IL1RAPL1: variants seen among roughly 807,000 people sequenced by gnomAD.
IL1RAPL1 encodes the protein interleukin 1 receptor accessory protein like 1.
In IL1RAPL1, 3 loss-of-function variants were observed where a neutral mutation model predicts 48.4. The observed-to-expected ratio is 0.06, with a 90% CI of 0.03 to 0.16. The LOEUF is 0.16. Ranked by LOEUF, IL1RAPL1 falls within the 10% of genes least tolerant of loss-of-function variation. The probability of loss-of-function intolerance (pLI) is 1.00; values close to 1 mark genes in which losing one functional copy is unlikely to be tolerated. For synonymous variants in IL1RAPL1, 185 were observed against 187.7 expected (o/e 0.99, Z 0.12); for missense variants, 349 against 530.6 (o/e 0.66, Z 3.36).
rs372181418 is a variant in IL1RAPL1 at position 29,623,277 on chromosome X, G to A, written c.704-45153G>A. Reference sequence around the variant, plus strand: ...AGCCTGGGCGACAGACTGAGACTCCGTCTCAAAAAAAAAAAAAGAAAGAAA... The same window carrying A: ...AGCCTGGGCGACAGACTGAGACTCCATCTCAAAAAAAAAAAAAGAAAGAAA... On this transcript the variant is annotated intron_variant, in intron 5 of 10. Transcript: ENST00000378993. Among the ~76,000 whole-genome samples the A allele has an allele frequency of 2.3e-3, 234 of 101,599 alleles. 1 individual carries two copies. The highest frequency in any genetic ancestry group is 7.9e-3 in the African/African-American group (217 of 27,438). 88.2% of individuals were successfully genotyped at this position (101,599 alleles called of 115,157 possible). A position where few individuals can be genotyped will look rare whatever the true frequency, so the allele number is the denominator to read the frequency against.
At chrX:29,756,030 G>A (rs1928603986) in intron 6 of IL1RAPL1, among the ~76,000 whole-genome samples, 1 of 111,559 alleles carries the variant, frequency 9.0e-6, no homozygotes, top group South Asian at 3.8e-4. Flanking sequence ...TCTGTGAAAT[G>A]GGGTCTGAAA....
intron 5 of IL1RAPL1, among the ~76,000 whole-genome samples, chrX:29,530,457 GGA>G (rs1935600803): frequency 8.9e-6 from 1 of 111,771 alleles, no homozygotes; most frequent in African/African-American, 3.3e-5. Context: ...GGGAAATCTA[GGA>G]GACAGTGTAA....
chrX:28,950,421 G>A (rs1401879013), intron 2 of IL1RAPL1, among the ~76,000 whole-genome samples: 8 of 86,251 alleles, frequency 9.3e-5, no homozygotes, highest in East Asian at 3.7e-4. Context: ...TTGGCGATGC[G>A]GGCTCTTTTT....
chrX:29,745,431 GT>G (rs752527354), intron 6 of IL1RAPL1, among the ~76,000 whole-genome samples: 336 of 24,709 alleles, frequency 0.014, 1 homozygote, highest in African/African-American at 0.055. Context: ...AGTTTTTTGT[GT>G]TTTTTTTTTT....
chrX:29,097,403 A>G (rs1928238360), intron 2 of IL1RAPL1, among the ~76,000 whole-genome samples: 1 of 112,186 alleles, frequency 8.9e-6, no homozygotes. Context: ...TTGGAAATAT[A>G]GACACATTTG....
chrX:29,227,405 C>A (rs2147554707), intron 2 of IL1RAPL1, among the ~76,000 whole-genome samples: 1 of 111,153 alleles, frequency 9.0e-6, no homozygotes, highest in African/African-American at 3.2e-5. Context: ...AAAGCCTAAT[C>A]TAAATTTAAG....
At chrX:28,941,510 T>C (rs1924162710) in intron 2 of IL1RAPL1, among the ~76,000 whole-genome samples, 1 of 111,456 alleles carries the variant, frequency 9.0e-6, no homozygotes. Flanking sequence ...TAAAAGAGAA[T>C]CAAGTTCTAT....
chrX:29,849,130 GA>G (rs71797706), intron 6 of IL1RAPL1, among the ~76,000 whole-genome samples: 8,768 of 108,054 alleles, frequency 0.081, 869 homozygotes, highest in African/African-American at 0.28. Flanking sequence ...ATAACAGCAA[GA>G]AAAAAAAATG....
chrX:29,391,566 T>C (rs726881), intron 3 of IL1RAPL1, among the ~76,000 whole-genome samples: 48,273 of 110,171 alleles, frequency 0.44, 8,625 homozygotes, highest in Middle Eastern at 0.6. Flanking sequence ...TTCAAAAAAA[T>C]CAAGTTAGAT....
intron 2 of IL1RAPL1, among the ~76,000 whole-genome samples, chrX:28,972,649 G>C (rs1173589510): frequency 9.0e-6 from 1 of 111,391 alleles, no homozygotes; most frequent in East Asian, 2.8e-4. Context: ...TGAGGCGGGA[G>C]AATGGCGTGA....
At chrX:29,287,028 A>G (rs907098770) in intron 3 of IL1RAPL1, among the ~76,000 whole-genome samples, 19 of 111,395 alleles carry the variant, frequency 1.7e-4, no homozygotes, top group South Asian at 3.8e-4. Flanking sequence ...GTCAAGATAC[A>G]AAACAATGCC....
intron 6 of IL1RAPL1, among the ~76,000 whole-genome samples, chrX:29,718,110 C>T (rs1023871751): frequency 5.4e-5 from 6 of 111,487 alleles, no homozygotes; most frequent in Non-Finnish European, 1.1e-4. Flanking sequence ...AGGATTGTCA[C>T]GGATAAGGTC....
In IL1RAPL1 at chrX:29,036,921, T is replaced by C. The variant is rs911590594; in HGVS notation, c.83-246017T>C. On this transcript the variant is annotated intron_variant, in intron 2 of 10. Transcript: ENST00000378993. ...TTTGCATGCAATATCTATTGAGTTC[T>C]GTTGGGAATATTGTATTACTCGAAA... Among the ~76,000 whole-genome samples the C allele has an allele frequency of 4.5e-5, 5 of 112,137 alleles. No individual in the cohort carries two copies. The South Asian group carries it at 1.5e-3, about 33-fold the overall frequency.
chrX:29,529,184 A>G (rs972765379), intron 5 of IL1RAPL1, among the ~76,000 whole-genome samples: 2 of 112,036 alleles, frequency 1.8e-5, no homozygotes, highest in Non-Finnish European at 1.9e-5. Context: ...GAAACTAAAG[A>G]GACATGACAC....
At chrX:28,975,669 C>A (rs1334151256) in intron 2 of IL1RAPL1, among the ~76,000 whole-genome samples, 1 of 112,065 alleles carries the variant, frequency 8.9e-6, no homozygotes, top group Admixed American at 9.5e-5. Context: ...GAACATATAA[C>A]AATCCTACCC....
At chrX:29,780,454 T>C (rs1328634226) in intron 6 of IL1RAPL1, among the ~76,000 whole-genome samples, 1 of 111,461 alleles carries the variant, frequency 9.0e-6, no homozygotes, top group Non-Finnish European at 1.9e-5. Flanking sequence ...ATGAAAACAG[T>C]ATTTTCATGA....
In IL1RAPL1 at chrX:28,969,846, C is replaced by CACATAT. The variant is rs371636774; in HGVS notation, c.82+180422_82+180423insCATATA. ...TTAGAAACATATATATGTTTCTAAA[C>CACATAT]ATATATGTTTCTAAACACATATATA... On this transcript the variant is annotated intron_variant, in intron 2 of 10. Coordinates refer to ENST00000378993, the MANE Select transcript of IL1RAPL1 (RefSeq NM_014271.4). 4.2e-3 allele frequency among the ~76,000 whole-genome samples: 257 copies of CACATAT among 61,260 alleles called. 17 individuals carry two copies. The highest frequency in any genetic ancestry group is 5.6e-3 in the Non-Finnish European group (174 of 31,093). The allele number at this position is 61,260 out of a possible 115,157, so 53.2% of individuals were successfully genotyped here.
In IL1RAPL1 at chrX:29,955,172, C is replaced by T. The variant is rs777536426; in HGVS notation, c.1443C>T (p.Tyr481=). 58 of 1,208,926 alleles carry T rather than the reference C, an allele frequency of 4.8e-5. No homozygotes were observed. Among genetic ancestry groups the T allele is most frequent in the Middle Eastern group, 2.3e-4 (1 of 4,371 alleles). The change falls in exon 11 of 11, where the codon TAC becomes TAT. Residue 481 remains tyrosine (Y), a synonymous_variant. Coordinates refer to ENST00000378993, the MANE Select transcript of IL1RAPL1 (RefSeq NM_014271.4). ...KRLIIVMTPN[Y]VVRRGWSIFE... ...TGATTATTGTCATGACCCCAAATTA[C>T]GTAGTTAGAAGGGGCTGGAGCATCT...
intron 5 of IL1RAPL1, among the ~76,000 whole-genome samples, chrX:29,586,068 A>G (rs939671495): frequency 9.2e-6 from 1 of 109,133 alleles, no homozygotes; most frequent in Non-Finnish European, 1.9e-5. Context: ...CCTCTTGTTT[A>G]TTTTTGGTTT....
Sources: gnomAD v4.1 joint callset for allele counts (sites outside exome capture counted in the v4.1 genomes callset) on GRCh38, gnomAD v4.1.1 for gene constraint, MANE v1.5 for transcripts, NCBI Gene and HGNC (gene_info 2026-07-23, HGNC 2026-07-21) for gene names.